Variants in PDK2 observed in about 807,000 individuals in gnomAD.
PDK2 encodes pyruvate dehydrogenase kinase, isozyme 2.
PDK2 carries 34 observed loss-of-function variants against 50.4 expected under a neutral mutation model. The observed-to-expected ratio is 0.68, with a 90% CI of 0.51 to 0.90. The LOEUF is 0.90. PDK2 is among the 40% of genes least tolerant of loss of function. The probability of loss-of-function intolerance (pLI) is 0.00; values close to 1 mark genes in which losing one functional copy is unlikely to be tolerated. For synonymous variants in PDK2, 232 were observed against 216.0 expected, an observed-to-expected ratio of 1.07 and a Z score of -0.65; for missense variants, 377 against 544.5, an observed-to-expected ratio of 0.69 and a Z score of 3.06.
intron 2 of PDK2, chr17:50,100,746 G>T (rs1910182178): frequency 6.6e-6 from 1 of 152,220 alleles, no homozygotes. Flanking sequence ...CCATTTTCTA[G>T]ATGAGAAACT....
rs1045519698 is a variant in PDK2 at position 50,110,173 on chromosome 17, C to T, written c.*76C>T. 12 of 1,447,078 alleles carry T rather than the reference C, an allele frequency of 8.3e-6. No homozygotes were observed. The highest frequency in any genetic ancestry group is 2.3e-5 in the Admixed American group (1 of 44,062). 89.6% of individuals were successfully genotyped at this position (1,447,078 alleles called of 1,614,324 possible). On this transcript the variant is annotated 3_prime_UTR_variant, in exon 11 of 11. Coordinates refer to ENST00000503176, the MANE Select transcript of PDK2 (RefSeq NM_002611.5). ...CCCCACCGTGGTGCCCCTCACCATCCTCCTGGGGGAGCAGGGGGTGGGTTC... is the reference window on the plus strand; with the variant it reads ...CCCCACCGTGGTGCCCCTCACCATCTTCCTGGGGGAGCAGGGGGTGGGTTC...
chr17:50,105,385 T>A lies in PDK2; in HGVS notation c.275T>A (p.Leu92His). 4 of 1,613,384 alleles carry A rather than the reference T, an allele frequency of 2.5e-6. No homozygotes were observed. The highest frequency in any genetic ancestry group is 3.4e-6 in the Non-Finnish European group (4 of 1,179,698). Reference sequence around the variant, plus strand: ...CCCCCACACAGGTATGTCCAGAGCCTCCTGGACATCATGGAGTTCCTGGAC... The same window carrying A: ...CCCCCACACAGGTATGTCCAGAGCCACCTGGACATCATGGAGTTCCTGGAC... ...QLVQSWYVQS[L>H]LDIMEFLDKD... Residue 92 changes from leucine to histidine, a missense_variant, in exon 3 of 11, where the codon CTC (leucine) becomes CAC (histidine). Coordinates refer to ENST00000503176, the MANE Select transcript of PDK2 (RefSeq NM_002611.5).
rs1910785157 is a variant in PDK2 at position 50,110,746 on chromosome 17, T to A, written c.*649T>A. The A allele has an allele frequency of 3.3e-5, 5 of 152,248 alleles. No individual in the cohort carries two copies. The highest frequency in any genetic ancestry group is 2.0e-4 in the Admixed American group (3 of 15,288). The allele number at this position is 152,248 out of a possible 1,614,324, so 9.4% of individuals were successfully genotyped here. On this transcript the variant is annotated 3_prime_UTR_variant, in exon 11 of 11. Transcript: ENST00000503176. ...CATCCAGCCAAGCTGCTCGAGGCCC[T>A]GCAGTGGCCTTGGCAATGTCTGTGC...
intron 2 of PDK2, among the ~76,000 whole-genome samples, chr17:50,099,619 C>T (rs1910118497): frequency 6.6e-6 from 1 of 152,176 alleles, no homozygotes; most frequent in Non-Finnish European, 1.5e-5. Context: ...CGGTGAAACT[C>T]CATCTCTACT....
chr17:50,109,028 C>T lies in PDK2; in HGVS notation c.970-259C>T, dbSNP rs536043169. Among the ~76,000 whole-genome samples the T allele has an allele frequency of 6.0e-4, 92 of 152,240 alleles. No individual in the cohort carries two copies. The highest frequency in any genetic ancestry group is 2.1e-3 in the African/African-American group (89 of 41,532). ...TAGAAAACTTGAGACTCAAAGGAGCCGTGGGGCCTGCTCTGACTTCCTGGC... is the reference window on the plus strand; with the variant it reads ...TAGAAAACTTGAGACTCAAAGGAGCTGTGGGGCCTGCTCTGACTTCCTGGC... On this transcript the variant is annotated intron_variant, in intron 9 of 10. Transcript: ENST00000503176. This position sits in a 1 kb window ranked among gnomAD's most constrained non-coding sequence, Gnocchi z 5.0.
At chr17:50,095,732 G>C (rs1015944671) in intron 1 of PDK2, 179 bp downstream of exon 1, 8 of 1,423,980 alleles carry the variant, frequency 5.6e-6, no homozygotes, top group East Asian at 2.6e-5. Flanking sequence ...CCTCTCGACG[G>C]GGCTGCTGAT....
intron 2 of PDK2, 97 bp downstream of exon 2, chr17:50,097,661 G>T (rs1910019381): frequency 1.4e-6 from 2 of 1,458,480 alleles, no homozygotes; most frequent in East Asian, 2.3e-5. Flanking sequence ...CTTTGAGGGT[G>T]GGGTGGGGAC....
chr17:50,107,249 CAG>C (rs1438290131), intron 6 of PDK2, 96 bp downstream of exon 6: 61 of 890,976 alleles, frequency 6.8e-5, no homozygotes, highest in South Asian at 2.1e-4. Flanking sequence ...GTTTTCTAGA[CAG>C]GGGAGAAGCA....
chr17:50,097,336 T>A, intron 1 of PDK2, 87 bp from the exon 2 acceptor site: 1 of 1,403,692 alleles, frequency 7.1e-7, no homozygotes. Context: ...AGCCCCCTGT[T>A]AATGAAGGGT....
rs1910803993 is a variant in PDK2 at position 50,110,998 on chromosome 17, C to T, written c.*901C>T. Reference sequence around the variant, plus strand: ...ACAGGGGTTAAAGCTGTGTGTCCCTCCCAGTGGCTGTGGCAGTGACAGTGA... The same window carrying T: ...ACAGGGGTTAAAGCTGTGTGTCCCTTCCAGTGGCTGTGGCAGTGACAGTGA... On this transcript the variant is annotated 3_prime_UTR_variant, in exon 11 of 11. Transcript: ENST00000503176. 6.6e-6 allele frequency: 1 copy of T among 152,366 alleles called. No individual in the cohort carries two copies. Among genetic ancestry groups the T allele is most frequent in the South Asian group, 2.1e-4 (1 of 4,826 alleles). 9.4% of individuals were successfully genotyped at this position (152,366 alleles called of 1,614,324 possible). A position where few individuals can be genotyped will look rare whatever the true frequency, so the allele number is the denominator to read the frequency against.
At position 50,105,980 on chromosome 17, in the gene PDK2, A is replaced by T. The variant is rs755921176; in HGVS notation, c.428A>T (p.Asp143Val). The change falls in exon 4 of 11, where the codon GAT becomes GTT. Residue 143 changes from aspartate to valine, a missense_variant. Asp to Val is a radical substitution (Grantham distance 152). Coordinates refer to ENST00000503176, the MANE Select transcript of PDK2 (RefSeq NM_002611.5). ...CTTGAGTACAAGGACACCTACGGCG[A>T]TGACCCCGTCTCCAACCAGAACATC... ...GVLEYKDTYG[D>V]DPVSNQNIQY... 2.5e-6 allele frequency: 4 copies of T among 1,612,230 alleles called. No individual in the cohort carries two copies. Among genetic ancestry groups the T allele is most frequent in the Non-Finnish European group, 3.4e-6 (4 of 1,179,248 alleles).
At chr17:50,104,942 C>T (rs1485446073) in intron 2 of PDK2, among the ~76,000 whole-genome samples, 2 of 152,184 alleles carry the variant, frequency 1.3e-5, no homozygotes, top group African/African-American at 4.8e-5. Context: ...AACACCCCGG[C>T]GGGGAGAAAC....
Position 50,106,078 on chromosome 17 carries a change from C to CGGCCA in PDK2, c.517+10_517+14dup. The CGGCCA allele has an allele frequency of 6.3e-7, 1 of 1,589,746 alleles. No individual in the cohort carries two copies. ...GCTCATCAACCAGCACAGTGGGTGC[C>CGGCCA]GGCCACAGCGGCGGGGAGCGGGCGG... On this transcript the variant is annotated intron_variant, in intron 4 of 10. Transcript: ENST00000503176.
chr17:50,103,846 A>C (rs1910357371), intron 2 of PDK2, among the ~76,000 whole-genome samples: 1 of 152,116 alleles, frequency 6.6e-6, no homozygotes, highest in Non-Finnish European at 1.5e-5. Context: ...CATCCCACTT[A>C]CTAGCTATGG....
In PDK2 at chr17:50,097,565, G is replaced by T; in HGVS notation, c.260+1G>T. 6.2e-7 allele frequency: 1 copy of T among 1,612,690 alleles called. No homozygotes were observed. Among genetic ancestry groups the T allele is most frequent in the East Asian group, 2.2e-5 (1 of 44,880 alleles). ...CCTCCGTGCAGCTGGTGCAGAGCTG[G>T]TGAGACCCCTGGCTCAGTCCCTGCA... On this transcript the variant is annotated splice_donor_variant, in intron 2 of 10. Coordinates refer to ENST00000503176, the MANE Select transcript of PDK2 (RefSeq NM_002611.5). LOFTEE classifies it high-confidence loss of function.
intron 6 of PDK2, among the ~76,000 whole-genome samples, chr17:50,107,544 G>A (rs1910580565): frequency 6.6e-6 from 1 of 152,212 alleles, no homozygotes; most frequent in African/African-American, 2.4e-5. Context: ...TGCTACCACT[G>A]CACTCCAGCC....
At chr17:50,097,969 A>G (rs1201386437) in intron 2 of PDK2, among the ~76,000 whole-genome samples, 1 of 152,222 alleles carries the variant, frequency 6.6e-6, no homozygotes, top group Non-Finnish European at 1.5e-5. Context: ...TAAGTTTTCA[A>G]ATACATTATA....
chr17:50,096,861 A>C (rs899687477), intron 1 of PDK2, among the ~76,000 whole-genome samples: 44 of 152,328 alleles, frequency 2.9e-4, no homozygotes, highest in African/African-American at 1.1e-3. Context: ...TTGACACCAG[A>C]CAAGGACCGA....
At chr17:50,107,888 C>A in intron 6 of PDK2, 1 of 504,304 alleles carries the variant, frequency 2.0e-6, no homozygotes, top group Admixed American at 3.4e-5. Flanking sequence ...CAGCCCCTTG[C>A]TGGACAGGTC....
Sources: gnomAD v4.1 joint callset for allele counts (sites outside exome capture counted in the v4.1 genomes callset) on GRCh38, gnomAD v4.1.1 for gene constraint, Gnocchi (gnomAD v3.1) non-coding constraint, MANE v1.5 for transcripts, NCBI Gene and HGNC (gene_info 2026-07-23, HGNC 2026-07-21) for gene names.